CAMTA1: variants seen among roughly 807,000 people sequenced by gnomAD.
The protein encoded by CAMTA1 is calmodulin-binding transcription activator 1.
Under a neutral mutation model 170.9 loss-of-function variants are expected in CAMTA1, and 27 were observed. That is an observed-to-expected ratio of 0.16 (90% CI 0.12 to 0.22). The LOEUF is 0.22. CAMTA1 is among the 10% of genes least tolerant of loss of function. The probability of loss-of-function intolerance (pLI) is 1.00; values close to 1 mark genes in which losing one functional copy is unlikely to be tolerated. For missense variants in CAMTA1, 1,619 were observed against 2,217.2 expected, an observed-to-expected ratio of 0.73 and a Z score of 5.42; for synonymous variants, 833 against 891.5, an observed-to-expected ratio of 0.93 and a Z score of 1.17.
At chr1:7,193,331 G>A (rs924814803) in intron 4 of CAMTA1, among the ~76,000 whole-genome samples, 2 of 150,578 alleles carry the variant, frequency 1.3e-5, no homozygotes, top group South Asian at 2.1e-4. Flanking sequence ...CAGCCTGGGC[G>A]ACAGAGTGAG....
intron 5 of CAMTA1, among the ~76,000 whole-genome samples, chr1:7,265,418 A>T (rs914567206): frequency 6.6e-6 from 1 of 151,964 alleles, no homozygotes; most frequent in African/African-American, 2.4e-5. Flanking sequence ...GGTTCAAGTG[A>T]TTCTCCTGCC....
At chr1:6,896,534 G>A (rs1438534619) in intron 3 of CAMTA1, among the ~76,000 whole-genome samples, 2 of 152,078 alleles carry the variant, frequency 1.3e-5, no homozygotes, top group African/African-American at 2.4e-5. Context: ...AGATATTTGC[G>A]GAAATCTAAA....
chr1:7,368,592 G>A (rs544860632), intron 5 of CAMTA1, among the ~76,000 whole-genome samples: 1 of 152,148 alleles, frequency 6.6e-6, no homozygotes, highest in South Asian at 2.1e-4. Context: ...AGGAGTTCCC[G>A]CTGTGTGCAC....
intron 4 of CAMTA1, among the ~76,000 whole-genome samples, chr1:7,107,133 A>C (rs1643665285): frequency 6.6e-6 from 1 of 152,076 alleles, no homozygotes; most frequent in South Asian, 2.1e-4. Context: ...TGTAGTAGGC[A>C]CTGTGGGGTT....
At chr1:7,320,207 A>G (rs1422035099) in intron 5 of CAMTA1, among the ~76,000 whole-genome samples, 1 of 152,226 alleles carries the variant, frequency 6.6e-6, no homozygotes, top group East Asian at 1.9e-4. Flanking sequence ...AAAACTTTCA[A>G]TAATTCACCT....
In CAMTA1 at chr1:6,887,740, A is replaced by C. The variant is rs978560448; in HGVS notation, c.234+62530A>C. The C allele has an allele frequency of 6.5e-7, 1 of 1,535,134 alleles. No individual in the cohort carries two copies. Among genetic ancestry groups the C allele is most frequent in the African/African-American group, 1.4e-5 (1 of 73,044 alleles). Reference sequence around the variant, plus strand: ...ATGAGGGCTGACACATTGGAATGAAAGCTGGCAGAATTCGTAGGGAGAGCT... The same window carrying C: ...ATGAGGGCTGACACATTGGAATGAACGCTGGCAGAATTCGTAGGGAGAGCT... On this transcript the variant is annotated intron_variant, in intron 3 of 22. Coordinates refer to ENST00000303635, the MANE Select transcript of CAMTA1 (RefSeq NM_015215.4). This position sits in a 1 kb window ranked among gnomAD's most constrained non-coding sequence, Gnocchi z 4.1.
chr1:7,524,420 A>G (rs1180082484), intron 6 of CAMTA1, among the ~76,000 whole-genome samples: 2 of 152,236 alleles, frequency 1.3e-5, no homozygotes, highest in East Asian at 3.9e-4. Context: ...CAATCATGTC[A>G]TCTGTACAGA....
intron 5 of CAMTA1, among the ~76,000 whole-genome samples, chr1:7,273,817 G>A (rs1206006678): frequency 1.3e-5 from 2 of 152,152 alleles, no homozygotes; most frequent in Non-Finnish European, 2.9e-5. Context: ...AGCAAAGTGT[G>A]TGACAACAAT....
At chr1:7,071,232 A>G (rs987723682) in intron 3 of CAMTA1, among the ~76,000 whole-genome samples, 2 of 152,206 alleles carry the variant, frequency 1.3e-5, no homozygotes, top group African/African-American at 2.4e-5. Context: ...TGTCCCCTCT[A>G]TTTGTAATCT....
chr1:7,594,197 G>GCGGGGA (rs1557972813), intron 6 of CAMTA1, among the ~76,000 whole-genome samples: 35 of 138,928 alleles, frequency 2.5e-4, no homozygotes, highest in African/African-American at 8.8e-4. Flanking sequence ...AGAAAGGAGG[G>GCGGGGA]AGGGGAAGGA....
intron 5 of CAMTA1, among the ~76,000 whole-genome samples, chr1:7,384,910 G>A (rs918262549): frequency 1.3e-5 from 2 of 152,070 alleles, no homozygotes; most frequent in Admixed American, 6.6e-5. Flanking sequence ...ACTGCCCAGG[G>A]ATGGTTCAGC....
In CAMTA1 at chr1:7,386,811, C is replaced by T. The variant is rs116570979; in HGVS notation, c.439-81019C>T. 9.9e-3 allele frequency among the ~76,000 whole-genome samples: 1,503 copies of T among 152,302 alleles called. 24 individuals carry two copies. The highest frequency in any genetic ancestry group is 0.033 in the African/African-American group (1,366 of 41,552). Reference sequence around the variant, plus strand: ...CTTTCCCGGGTCACTTGGCTCCTTCCTCCCCTCCTAACACCCATACAGGCC... The same window carrying T: ...CTTTCCCGGGTCACTTGGCTCCTTCTTCCCCTCCTAACACCCATACAGGCC... On this transcript the variant is annotated intron_variant, in intron 5 of 22. Coordinates refer to ENST00000303635, the MANE Select transcript of CAMTA1 (RefSeq NM_015215.4).
chr1:7,032,391 C>T (rs1443856003), intron 3 of CAMTA1, among the ~76,000 whole-genome samples: 1 of 152,084 alleles, frequency 6.6e-6, no homozygotes, highest in Non-Finnish European at 1.5e-5. Flanking sequence ...GAGTTTTTAG[C>T]GTCCATCTTT....
intron 6 of CAMTA1, among the ~76,000 whole-genome samples, chr1:7,499,691 C>T (rs532133731): frequency 6.6e-5 from 8 of 120,916 alleles, no homozygotes; most frequent in South Asian, 3.2e-4. Context: ...ACCTGGTGTG[C>T]GTGCATATGT....
chr1:7,635,097 C>A lies in CAMTA1; in HGVS notation c.511-5303C>A, dbSNP rs528243015. On this transcript the variant is annotated intron_variant, in intron 6 of 22. Transcript: ENST00000303635. The surrounding 1 kb of genome is among the most constrained non-coding windows in gnomAD (Gnocchi z 4.4). Reference sequence around the variant, plus strand: ...TCCCCAGCCTTTGGCACTGACCAGGCCTCCAGGAAAGCAAGGGCTCATCTC... The same window carrying A: ...TCCCCAGCCTTTGGCACTGACCAGGACTCCAGGAAAGCAAGGGCTCATCTC... Among the ~76,000 whole-genome samples the A allele has an allele frequency of 1.8e-4, 28 of 152,206 alleles. No homozygotes were observed. The highest frequency in any genetic ancestry group is 3.7e-4 in the Non-Finnish European group (25 of 68,038).
chr1:7,334,294 A>T (rs1353754794), intron 5 of CAMTA1, among the ~76,000 whole-genome samples: 2 of 151,938 alleles, frequency 1.3e-5, no homozygotes, highest in East Asian at 3.9e-4. Flanking sequence ...CATCACAAAT[A>T]CTCTTGGAAG....
intron 1 of CAMTA1, among the ~76,000 whole-genome samples, chr1:6,806,689 G>A (rs1644546388): frequency 6.6e-6 from 1 of 152,112 alleles, no homozygotes; most frequent in Non-Finnish European, 1.5e-5. Context: ...TTTTTTTGAT[G>A]TGAAAGTTTG....
chr1:7,139,078 ATTTAT>A (rs982523309), intron 4 of CAMTA1, among the ~76,000 whole-genome samples: 2 of 144,418 alleles, frequency 1.4e-5, no homozygotes, highest in Admixed American at 7.1e-5. Context: ...GTTTATTTAT[ATTTAT>A]TTATTATTTA....
chr1:6,789,550 C>T (rs962092686), intron 1 of CAMTA1, among the ~76,000 whole-genome samples: 8 of 152,168 alleles, frequency 5.3e-5, no homozygotes, highest in Middle Eastern at 3.2e-3. Flanking sequence ...ATGGAAAAAG[C>T]AGTAGAAGGT....
Sources: allele counts gnomAD v4.1 joint callset (sites outside exome capture counted in the v4.1 genomes callset), GRCh38; gene constraint gnomAD v4.1.1; non-coding constraint Gnocchi (gnomAD v3.1); transcripts MANE v1.5; gene names NCBI Gene and HGNC (gene_info 2026-07-23, HGNC 2026-07-21).